The following EEF2K variants were observed in gnomAD, a reference collection of about 807,000 sequenced individuals.
EEF2K encodes the protein alternative protein EEF2K.
EEF2K carries 70 observed loss-of-function variants against 93.8 expected under a neutral mutation model. The ratio of observed to expected loss-of-function variants is 0.75; its 90% CI spans 0.62 to 0.91. The LOEUF is 0.91. Ranked by LOEUF, EEF2K falls within the 40% of genes least tolerant of loss-of-function variation. EEF2K has a pLI of 0.00. For missense variants in EEF2K, 935 were observed against 972.9 expected (o/e 0.96, Z 0.52); for synonymous variants, 376 against 380.8 (o/e 0.99, Z 0.15).
chr16:22,250,603 C>T (rs1468073474), intron 4 of EEF2K, 51 bp from the exon 5 acceptor site: 2 of 1,613,018 alleles, frequency 1.2e-6, no homozygotes, highest in Non-Finnish European at 1.7e-6. Context: ...TCTTAGGGTC[C>T]CTTTTGGGTG....
chr16:22,280,211 C>A lies in EEF2K; in HGVS notation c.1903C>A (p.Leu635Ile). 6.6e-7 allele frequency: 1 copy of A among 1,522,524 alleles called. No individual in the cohort carries two copies. Among genetic ancestry groups the A allele is most frequent in the Non-Finnish European group, 8.8e-7 (1 of 1,132,678 alleles). 94.3% of individuals were successfully genotyped at this position (1,522,524 alleles called of 1,614,324 possible). Residue 635 changes from leucine (L) to isoleucine (I), a missense_variant, in exon 17 of 18, where the codon CTA becomes ATA. Coordinates refer to ENST00000263026, the MANE Select transcript of EEF2K (RefSeq NM_013302.5). ...TCTCCTGGCAAGGTGCCAAGACTGG[C>A]TAGAGGCCCTGCACTGGTACAACAC... ...NLSPDRCQDW[L>I]EALHWYNTAL... is the part of the protein sequence containing the mutation.
chr16:22,246,470 C>T (rs1267498585), intron 3 of EEF2K, among the ~76,000 whole-genome samples: 1 of 135,276 alleles, frequency 7.4e-6, no homozygotes, highest in African/African-American at 2.9e-5. Context: ...GAGCTGAGAT[C>T]GTGCCACTAC....
chr16:22,233,060 C>G (rs1056678159), intron 2 of EEF2K, among the ~76,000 whole-genome samples: 2 of 152,198 alleles, frequency 1.3e-5, no homozygotes, highest in Non-Finnish European at 2.9e-5. Flanking sequence ...CAGAACCATT[C>G]AGGGGGCCGC....
chr16:22,280,418 G>A, intron 17 of EEF2K, 42 bp downstream of exon 17: 1 of 1,403,024 alleles, frequency 7.1e-7, no homozygotes, highest in South Asian at 1.8e-5. Context: ...AACAGGGCTG[G>A]GCAGGGAGGA....
chr16:22,281,238 T>G (rs1420736961), intron 17 of EEF2K, among the ~76,000 whole-genome samples: 4 of 152,116 alleles, frequency 2.6e-5, no homozygotes, highest in Admixed American at 2.6e-4. Flanking sequence ...CCTTTCCTTT[T>G]CTTTCTTTCT....
intron 1 of EEF2K, among the ~76,000 whole-genome samples, chr16:22,207,462 C>T (rs78631569): frequency 1.3e-5 from 2 of 152,196 alleles, no homozygotes; most frequent in African/African-American, 2.4e-5. Context: ...CATTTATGCT[C>T]TCTGGCCCTC....
intron 6 of EEF2K, among the ~76,000 whole-genome samples, chr16:22,253,507 G>A (rs1013219664): frequency 6.6e-6 from 1 of 152,084 alleles, no homozygotes; most frequent in African/African-American, 2.4e-5. Context: ...CTGGCTGTGG[G>A]CTTGGCGGGC....
At chr16:22,261,729 G>A (rs1470537073) in intron 11 of EEF2K, among the ~76,000 whole-genome samples, 1 of 151,824 alleles carries the variant, frequency 6.6e-6, no homozygotes, top group Non-Finnish European at 1.5e-5. Context: ...TAGAGGCGGG[G>A]TGTGGTGGCT....
At chr16:22,244,582 C>A (rs1226326356) in intron 2 of EEF2K, 48 bp from the exon 3 acceptor site, 2 of 1,595,496 alleles carry the variant, frequency 1.3e-6, no homozygotes, top group Non-Finnish European at 8.6e-7. Flanking sequence ...GTCCCCAAAG[C>A]CCCTGACCTG....
In EEF2K at chr16:22,256,907, A is replaced by T. The variant is rs752261395; in HGVS notation, c.768+10A>T. 1.9e-5 allele frequency: 30 copies of T among 1,613,114 alleles called. No homozygotes were observed. In the Admixed American group the frequency reaches 4.8e-4, roughly 26 times the overall value. On this transcript the variant is annotated intron_variant, in intron 7 of 17. Coordinates refer to ENST00000263026, the MANE Select transcript of EEF2K (RefSeq NM_013302.5). ...CCGCCTGACGCCGCAGGTGAGGCCG[A>T]GCTCACCTCCACCCTCTGCCCACCA...
chr16:22,214,619 T>A (rs889581266), intron 1 of EEF2K, among the ~76,000 whole-genome samples: 1 of 151,994 alleles, frequency 6.6e-6, no homozygotes, highest in African/African-American at 2.4e-5. Flanking sequence ...GAGCTATGAT[T>A]GCACCACTGC....
At chr16:22,282,285 T>C (rs2047701102) in intron 17 of EEF2K, among the ~76,000 whole-genome samples, 1 of 152,196 alleles carries the variant, frequency 6.6e-6, no homozygotes, top group Non-Finnish European at 1.5e-5. Flanking sequence ...TTCTGGCTTG[T>C]AGAAAACAGC....
chr16:22,270,914 A>ATATATATGTGTG (rs1299795430), intron 15 of EEF2K, among the ~76,000 whole-genome samples: 1 of 150,364 alleles, frequency 6.7e-6, no homozygotes, highest in Non-Finnish European at 1.5e-5. Flanking sequence ...CTCTCTCTCT[A>ATATATATGTGTG]TATATATGTG....
intron 3 of EEF2K, among the ~76,000 whole-genome samples, chr16:22,245,128 C>A (rs777949765): frequency 6.6e-6 from 1 of 151,940 alleles, no homozygotes; most frequent in African/African-American, 2.4e-5. Context: ...CATAGCCAAG[C>A]GTGGTGGCTG....
chr16:22,278,857 A>T (rs1208548133), intron 16 of EEF2K, among the ~76,000 whole-genome samples: 2 of 152,096 alleles, frequency 1.3e-5, no homozygotes, highest in East Asian at 3.9e-4. Context: ...CAGTAGGAGG[A>T]GTTGAGGGTC....
rs1009718327 is a variant in EEF2K at position 22,248,096 on chromosome 16, G to A, written c.348-659G>A. ...TTTTTATCTTTTGAGACAGAGTCTCGCTCTGTCACCCAGGCTGGAGTGCAA... is the reference window on the plus strand; with the variant it reads ...TTTTTATCTTTTGAGACAGAGTCTCACTCTGTCACCCAGGCTGGAGTGCAA... On this transcript the variant is annotated intron_variant, in intron 3 of 17. Transcript: ENST00000263026. 5.3e-5 allele frequency among the ~76,000 whole-genome samples: 8 copies of A among 150,988 alleles called. No homozygotes were observed. The South Asian group carries it at 6.3e-4, about 12-fold the overall frequency.
At position 22,227,141 on chromosome 16, in the gene EEF2K, G is replaced by A. The variant is rs150661271; in HGVS notation, c.246+1166G>A. 5.6e-3 allele frequency among the ~76,000 whole-genome samples: 852 copies of A among 152,298 alleles called. 2 individuals are homozygous for A. The highest frequency in any genetic ancestry group is 0.024 in the Middle Eastern group (7 of 294). On this transcript the variant is annotated intron_variant, in intron 2 of 17. Transcript: ENST00000263026. ...TTGAACCTGGGAGGTGGAAGTTGCG[G>A]TGAACTGAGATTGCACCACTGCACT...
At chr16:22,256,151 G>A (rs1174266146) in intron 6 of EEF2K, among the ~76,000 whole-genome samples, 1 of 151,998 alleles carries the variant, frequency 6.6e-6, no homozygotes, top group Admixed American at 6.6e-5. Flanking sequence ...GGGCTGGAGT[G>A]CAGTGGTGCA....
intron 16 of EEF2K, among the ~76,000 whole-genome samples, chr16:22,275,220 T>C (rs1284369262): frequency 6.6e-6 from 1 of 152,232 alleles, no homozygotes; most frequent in Admixed American, 6.5e-5. Context: ...GTCTACCTTT[T>C]ATTTCCATTT....
Sources: allele counts gnomAD v4.1 joint callset (sites outside exome capture counted in the v4.1 genomes callset), GRCh38; gene constraint gnomAD v4.1.1; transcripts MANE v1.5; gene names NCBI Gene and HGNC (gene_info 2026-07-23, HGNC 2026-07-21).